Variants in MAN2A1 observed in about 807,000 individuals in gnomAD.
The protein encoded by MAN2A1 is mannosidase alpha class 2A member 1, also known as alpha-mannosidase 2.
In MAN2A1, 76 loss-of-function variants were observed where a neutral mutation model predicts 142.6. The ratio of observed to expected loss-of-function variants is 0.53; its 90% CI spans 0.44 to 0.65. The LOEUF (loss-of-function observed/expected upper bound fraction) is 0.65, where lower values mean the gene tolerates loss of function less well. MAN2A1 is among the 30% of genes least tolerant of loss of function. MAN2A1 has a pLI of 0.00. For missense variants in MAN2A1, 1,311 were observed against 1,365.1 expected (o/e 0.96, Z 0.62); for synonymous variants, 559 against 473.2 (o/e 1.18, Z -2.35).
At chr5:109,699,544 G>A (rs1053179673) in intron 1 of MAN2A1, 1 of 152,158 alleles carries the variant, frequency 6.6e-6, no homozygotes, top group African/African-American at 2.4e-5. Context: ...ATTCTACAAT[G>A]TATGCATTTT....
rs1751648944 is a variant in MAN2A1, at chr5:109,723,060, C to T, written c.536-6282C>T. ...CTATGAGAAAAAGTATGCAGGTCTTCTAAGGGGCACTTAGAAAAGCAATAT... is the reference window on the plus strand; with the variant it reads ...CTATGAGAAAAAGTATGCAGGTCTTTTAAGGGGCACTTAGAAAAGCAATAT... On this transcript the variant is annotated intron_variant, in intron 3 of 21. Coordinates refer to ENST00000261483, the MANE Select transcript of MAN2A1 (RefSeq NM_002372.4). 1.3e-5 allele frequency among the ~76,000 whole-genome samples: 2 copies of T among 152,052 alleles called. 1 individual carries two copies. Among genetic ancestry groups the T allele is most frequent in the South Asian group, 4.1e-4 (2 of 4,828 alleles).
chr5:109,702,990 C>T (rs1751032202), intron 1 of MAN2A1, among the ~76,000 whole-genome samples: 1 of 152,098 alleles, frequency 6.6e-6, no homozygotes, highest in South Asian at 2.1e-4. Flanking sequence ...GCCTAAATAC[C>T]TGTCCCCTGT....
At chr5:109,801,258 A>G (rs1754023436) in intron 12 of MAN2A1, among the ~76,000 whole-genome samples, 1 of 152,162 alleles carries the variant, frequency 6.6e-6, no homozygotes, top group Non-Finnish European at 1.5e-5. Flanking sequence ...TTGTGAACTC[A>G]GGATGGTTCC....
At chr5:109,863,431 C>G (rs898173926) in intron 20 of MAN2A1, 8 of 152,210 alleles carry the variant, frequency 5.3e-5, no homozygotes, top group African/African-American at 1.9e-4. Flanking sequence ...TAGTAAATTG[C>G]AGAGCAAGGA....
At chr5:109,711,112 C>T (rs893190870) in intron 1 of MAN2A1, among the ~76,000 whole-genome samples, 5 of 152,204 alleles carry the variant, frequency 3.3e-5, no homozygotes, top group Non-Finnish European at 7.3e-5. Context: ...AGGCATGAGC[C>T]ACCGTGCCCG....
chr5:109,829,186 T>A (rs1425779579), intron 16 of MAN2A1, among the ~76,000 whole-genome samples: 1 of 152,208 alleles, frequency 6.6e-6, no homozygotes, highest in African/African-American at 2.4e-5. Context: ...TTCAGTCTAC[T>A]TATATTATTA....
chr5:109,696,770 A>T (rs755642060), intron 1 of MAN2A1, among the ~76,000 whole-genome samples: 27 of 152,192 alleles, frequency 1.8e-4, no homozygotes, highest in Non-Finnish European at 3.5e-4. Context: ...TACCCAGTAC[A>T]TGTCGTTAGC....
intron 16 of MAN2A1, among the ~76,000 whole-genome samples, chr5:109,835,570 A>C (rs1488534404): frequency 6.6e-6 from 1 of 152,162 alleles, no homozygotes; most frequent in Non-Finnish European, 1.5e-5. Context: ...TTCCTAGGTG[A>C]CCGTGGGCCA....
chr5:109,757,720 C>T (rs1164856953), intron 5 of MAN2A1, among the ~76,000 whole-genome samples: 3 of 152,110 alleles, frequency 2.0e-5, no homozygotes, highest in Non-Finnish European at 4.4e-5. Context: ...TTCCCTGCCC[C>T]AGTCTCAGGC....
chr5:109,860,465 A>G (rs1304500386), intron 20 of MAN2A1, among the ~76,000 whole-genome samples: 2 of 152,152 alleles, frequency 1.3e-5, no homozygotes, highest in Non-Finnish European at 2.9e-5. Context: ...AAATTTTCCC[A>G]CCAGATGTGT....
intron 15 of MAN2A1, among the ~76,000 whole-genome samples, chr5:109,822,986 T>G (rs1214598582): frequency 1.3e-5 from 2 of 152,190 alleles, no homozygotes; most frequent in African/African-American, 4.8e-5. Context: ...CCGAAAATCT[T>G]ACACTGTTTA....
At chr5:109,839,641 GTCTC>G (rs201618946) in intron 16 of MAN2A1, among the ~76,000 whole-genome samples, 1 of 144,608 alleles carries the variant, frequency 6.9e-6, no homozygotes, top group Non-Finnish European at 1.5e-5. Context: ...GTGAGGCCCT[GTCTC>G]TCTCTTTTTT....
At chr5:109,835,486 A>C (rs1050909712) in intron 16 of MAN2A1, among the ~76,000 whole-genome samples, 3 of 152,202 alleles carry the variant, frequency 2.0e-5, no homozygotes, top group Admixed American at 6.5e-5. Context: ...TTTGATAGCT[A>C]TGTTAAATTT....
intron 4 of MAN2A1, among the ~76,000 whole-genome samples, chr5:109,736,063 C>T (rs147594585): frequency 1.2e-3 from 185 of 152,034 alleles, no homozygotes; most frequent in Non-Finnish European, 2.1e-3. Flanking sequence ...GATATCCCTC[C>T]AGTTACTCAA....
At chr5:109,694,688 A>G (rs1750764190) in intron 1 of MAN2A1, among the ~76,000 whole-genome samples, 2 of 151,814 alleles carry the variant, frequency 1.3e-5, no homozygotes, top group South Asian at 2.1e-4. Context: ...TGTAATACAC[A>G]TACAGAAATG....
At chr5:109,729,648 T>C (rs1751844835) in intron 4 of MAN2A1, 135 bp downstream of exon 4, 2 of 507,570 alleles carry the variant, frequency 3.9e-6, no homozygotes, top group South Asian at 8.4e-5. Flanking sequence ...CATACCGTTT[T>C]CGTTGATTTT....
chr5:109,824,337 T>C (rs1456157463), intron 16 of MAN2A1, among the ~76,000 whole-genome samples: 3 of 152,178 alleles, frequency 2.0e-5, no homozygotes, highest in Non-Finnish European at 4.4e-5. Flanking sequence ...TTTAGAACAG[T>C]ATTGAGCAGC....
intron 12 of MAN2A1, among the ~76,000 whole-genome samples, 194 bp downstream of exon 12, chr5:109,789,721 CT>C (rs1313380566): frequency 2.0e-5 from 3 of 151,734 alleles, no homozygotes; most frequent in African/African-American, 7.2e-5. Flanking sequence ...AGTATATTGA[CT>C]GCTGAATAAA....
chr5:109,813,707 A>C (rs769691952), intron 12 of MAN2A1, among the ~76,000 whole-genome samples: 2 of 152,232 alleles, frequency 1.3e-5, no homozygotes, highest in Non-Finnish European at 2.9e-5. Flanking sequence ...TTTACCTCAA[A>C]GAGAAAATTC....
Sources: allele counts gnomAD v4.1 joint callset (sites outside exome capture counted in the v4.1 genomes callset), GRCh38; gene constraint gnomAD v4.1.1; transcripts MANE v1.5; gene names NCBI Gene and HGNC (gene_info 2026-07-23, HGNC 2026-07-21).